The following TENM2 variants were observed in gnomAD, a reference collection of about 807,000 sequenced individuals.
The protein encoded by TENM2 is teneurin-2.
In TENM2, 52 loss-of-function variants were observed where a neutral mutation model predicts 245.2. That is an observed-to-expected ratio of 0.21 (90% CI 0.17 to 0.27). The LOEUF is 0.27. TENM2 is among the 10% of genes least tolerant of loss of function. TENM2 has a pLI of 1.00. For missense variants in TENM2, 3,046 were observed against 3,666.8 expected (o/e 0.83, Z 4.37); for synonymous variants, 1,363 against 1,438.9 (o/e 0.95, Z 1.19).
At chr5:167,882,999 C>T (rs1773998857) in intron 3 of TENM2, among the ~76,000 whole-genome samples, 1 of 152,194 alleles carries the variant, frequency 6.6e-6, no homozygotes, top group Admixed American at 6.5e-5. Context: ...CCAACTCCTC[C>T]TCTGTATAGT....
intron 4 of TENM2, among the ~76,000 whole-genome samples, chr5:167,965,787 G>T (rs1004886193): frequency 5.9e-5 from 9 of 152,078 alleles, no homozygotes; most frequent in African/African-American, 2.2e-4. Context: ...AGGGCTGGGG[G>T]AATTAAGTTA....
intron 5 of TENM2, among the ~76,000 whole-genome samples, chr5:168,036,673 A>C (rs940701104): frequency 1.8e-5 from 1 of 54,368 alleles, no homozygotes; most frequent in Admixed American, 2.0e-4. Context: ...TAATATATGT[A>C]TGTGTATATA....
intron 5 of TENM2, among the ~76,000 whole-genome samples, chr5:168,009,246 C>A (rs1437585261): frequency 6.6e-6 from 1 of 152,160 alleles, no homozygotes; most frequent in African/African-American, 2.4e-5. Context: ...TGATTTGGGG[C>A]AGTGAAGCTT....
chr5:168,148,554 A>G (rs990608429), intron 12 of TENM2, among the ~76,000 whole-genome samples: 1 of 152,194 alleles, frequency 6.6e-6, no homozygotes, highest in African/African-American at 2.4e-5. Flanking sequence ...AGAGCAGGAT[A>G]TGTTCACGAT....
At chr5:167,134,324 A>T in the TENM2 span, among the ~76,000 whole-genome samples, 3 of 152,236 alleles carry the variant, frequency 2.0e-5, no homozygotes, top group Non-Finnish European at 4.4e-5. Flanking sequence ...AACTATTAAC[A>T]TGGCGACATC....
the TENM2 span, among the ~76,000 whole-genome samples, chr5:167,232,854 A>G: frequency 1.3e-5 from 2 of 152,240 alleles, no homozygotes; most frequent in Non-Finnish European, 2.9e-5. Flanking sequence ...TTAGTGCCAC[A>G]GAGTAAATTG....
At chr5:167,867,246 A>T (rs970692626) in intron 2 of TENM2, among the ~76,000 whole-genome samples, 3 of 152,210 alleles carry the variant, frequency 2.0e-5, no homozygotes, top group Admixed American at 6.5e-5. Flanking sequence ...TTAGAAAATT[A>T]CAGAAATTAT....
the TENM2 span, among the ~76,000 whole-genome samples, chr5:167,007,438 A>G: frequency 6.6e-6 from 1 of 152,232 alleles, no homozygotes; most frequent in Non-Finnish European, 1.5e-5. The surrounding 1 kb of genome is among the most constrained non-coding windows in gnomAD (Gnocchi z 4.2). Flanking sequence ...TTATAAATGC[A>G]ATGCACTGCA....
intron 2 of TENM2, among the ~76,000 whole-genome samples, chr5:167,378,589 G>A (rs955752163): frequency 3.3e-5 from 5 of 151,924 alleles, no homozygotes; most frequent in Non-Finnish European, 7.4e-5. Context: ...AGAACAGCCC[G>A]GCCAAGTTTT....
At chr5:167,970,195 TTAAG>T (rs1397305326) in intron 4 of TENM2, among the ~76,000 whole-genome samples, 1 of 152,162 alleles carries the variant, frequency 6.6e-6, no homozygotes, top group Non-Finnish European at 1.5e-5. Context: ...GTCGAAAAAA[TTAAG>T]TTTCACTGAC....
At chr5:167,071,881 C>T in the TENM2 span, among the ~76,000 whole-genome samples, 1 of 140,052 alleles carries the variant, frequency 7.1e-6, no homozygotes, top group Non-Finnish European at 1.6e-5. Context: ...ACAAATCGCC[C>T]CCCCCCGCCC....
At chr5:167,159,840 G>A in the TENM2 span, among the ~76,000 whole-genome samples, 1 of 152,250 alleles carries the variant, frequency 6.6e-6, no homozygotes, top group African/African-American at 2.4e-5. Flanking sequence ...GGTGGTGCCC[G>A]CTCCCACTTG....
chr5:168,105,409 T>A (rs1355434420), intron 9 of TENM2, among the ~76,000 whole-genome samples: 1 of 151,958 alleles, frequency 6.6e-6, no homozygotes. Context: ...TGAATGTCAG[T>A]AGATCACAGT....
At chr5:167,914,859 C>T (rs569593020) in intron 3 of TENM2, among the ~76,000 whole-genome samples, 6 of 152,254 alleles carry the variant, frequency 3.9e-5, no homozygotes, top group South Asian at 2.1e-4. Context: ...TGCATCTTTA[C>T]GTGGCTGTCT....
At chr5:167,474,000 C>T (rs1767208661) in intron 2 of TENM2, among the ~76,000 whole-genome samples, 2 of 152,102 alleles carry the variant, frequency 1.3e-5, no homozygotes. Flanking sequence ...AGTTTTCCAT[C>T]TGTAATGATT....
chr5:167,270,805 A>G, the TENM2 span, among the ~76,000 whole-genome samples: 3 of 152,186 alleles, frequency 2.0e-5, no homozygotes, highest in East Asian at 1.9e-4. Context: ...TTAGGCAGCT[A>G]TCAGTCCCAA....
chr5:167,697,497 G>A (rs927020142), intron 2 of TENM2, among the ~76,000 whole-genome samples: 6 of 152,112 alleles, frequency 3.9e-5, no homozygotes, highest in African/African-American at 1.4e-4. Flanking sequence ...CTGGCACATT[G>A]CAGTGGATTA....
At chr5:167,514,586 G>C (rs2127573797) in intron 2 of TENM2, among the ~76,000 whole-genome samples, 1 of 152,330 alleles carries the variant, frequency 6.6e-6, no homozygotes, top group South Asian at 2.1e-4. Flanking sequence ...ATAAGTTCTA[G>C]AGATTCCAGA....
intron 9 of TENM2, among the ~76,000 whole-genome samples, chr5:168,103,847 A>C (rs1794020506): frequency 6.6e-6 from 1 of 152,136 alleles, no homozygotes; most frequent in Admixed American, 6.5e-5. Context: ...GGGCTTAAGA[A>C]GCAGCTGACT....
Sources: gnomAD v4.1 joint callset for allele counts (sites outside exome capture counted in the v4.1 genomes callset) on GRCh38, gnomAD v4.1.1 for gene constraint, Gnocchi (gnomAD v3.1) non-coding constraint, MANE v1.5 for transcripts, NCBI Gene and HGNC (gene_info 2026-07-23, HGNC 2026-07-21) for gene names.